Variants in PKP4 observed in about 807,000 individuals in gnomAD.
PKP4 encodes the protein plakophilin 4.
PKP4 carries 90 observed loss-of-function variants against 145.1 expected under a neutral mutation model. The ratio of observed to expected loss-of-function variants is 0.62; its 90% CI spans 0.52 to 0.74. The LOEUF (loss-of-function observed/expected upper bound fraction) is 0.74, where lower values mean the gene tolerates loss of function less well. Ranked by LOEUF, PKP4 falls within the 30% of genes least tolerant of loss-of-function variation. The pLI is 0.00. For missense variants in PKP4, 1,340 were observed against 1,482.7 expected, an observed-to-expected ratio of 0.90 and a Z score of 1.58; for synonymous variants, 563 against 577.2, an observed-to-expected ratio of 0.98 and a Z score of 0.35.
At chr2:158,542,614 A>C (rs1453812059) in intron 2 of PKP4, among the ~76,000 whole-genome samples, 3 of 152,160 alleles carry the variant, frequency 2.0e-5, no homozygotes, top group Admixed American at 2.0e-4. Flanking sequence ...CCTTTGTCAG[A>C]GTTGGAGAGT....
chr2:158,676,095 C>T (rs1296038894), intron 19 of PKP4, among the ~76,000 whole-genome samples: 1 of 152,132 alleles, frequency 6.6e-6, no homozygotes, highest in East Asian at 1.9e-4. Flanking sequence ...TCCTCTGGGC[C>T]TTTCTGAGGT....
At chr2:158,528,450 T>A (rs373739161) in intron 1 of PKP4, among the ~76,000 whole-genome samples, 3 of 87,248 alleles carry the variant, frequency 3.4e-5, no homozygotes, top group Admixed American at 1.7e-4. Context: ...GATCACATGG[T>A]CACAGGAAGG....
chr2:158,487,281 T>A (rs1694306520), intron 1 of PKP4, among the ~76,000 whole-genome samples: 1 of 152,206 alleles, frequency 6.6e-6, no homozygotes, highest in African/African-American at 2.4e-5. Flanking sequence ...AAAAAGCACA[T>A]TTGTATAAAC....
chr2:158,569,291 A>G (rs567444012), intron 2 of PKP4, among the ~76,000 whole-genome samples: 2 of 152,330 alleles, frequency 1.3e-5, no homozygotes, highest in East Asian at 3.9e-4. Context: ...AAAACAACAA[A>G]GATCTTAATA....
At chr2:158,554,461 T>C (rs1166384570) in intron 2 of PKP4, among the ~76,000 whole-genome samples, 1 of 150,730 alleles carries the variant, frequency 6.6e-6, no homozygotes, top group African/African-American at 2.4e-5. Context: ...AGTCTAGCTC[T>C]GTTGCCCAGG....
At chr2:158,515,438 T>A (rs987046932) in intron 1 of PKP4, among the ~76,000 whole-genome samples, 1 of 151,978 alleles carries the variant, frequency 6.6e-6, no homozygotes. Context: ...CTTGGCAACA[T>A]AGCAAGATCC....
intron 1 of PKP4, among the ~76,000 whole-genome samples, chr2:158,485,092 C>T: frequency 6.6e-6 from 1 of 152,208 alleles, no homozygotes. Flanking sequence ...AGACTGAAAG[C>T]CTCACCGTGG....
At chr2:158,471,745 G>A (rs1691603738) in intron 1 of PKP4, among the ~76,000 whole-genome samples, 1 of 152,072 alleles carries the variant, frequency 6.6e-6, no homozygotes, top group Admixed American at 6.6e-5. Flanking sequence ...GCCGTTTATT[G>A]AACTAAGCAT....
chr2:158,571,927 A>G (rs1014203403), intron 2 of PKP4, among the ~76,000 whole-genome samples: 6 of 152,230 alleles, frequency 3.9e-5, no homozygotes, highest in Admixed American at 2.6e-4. Flanking sequence ...TCTGAAAGCC[A>G]GAAGGAAGAT....
At chr2:158,471,709 A>G (rs900539914) in intron 1 of PKP4, among the ~76,000 whole-genome samples, 1 of 152,254 alleles carries the variant, frequency 6.6e-6, no homozygotes, top group Non-Finnish European at 1.5e-5. Context: ...TTACAAAATC[A>G]GGACAATTTA....
At chr2:158,639,036 C>G (rs1201349312) in intron 9 of PKP4, among the ~76,000 whole-genome samples, 2 of 152,196 alleles carry the variant, frequency 1.3e-5, no homozygotes, top group African/African-American at 4.8e-5. Context: ...TTTCACTAAC[C>G]TCTATCACTA....
intron 1 of PKP4, among the ~76,000 whole-genome samples, chr2:158,472,444 C>T (rs1691724290): frequency 6.6e-6 from 1 of 151,568 alleles, no homozygotes; most frequent in Non-Finnish European, 1.5e-5. Flanking sequence ...CCTGTCTCTA[C>T]TAAAAAAATA....
chr2:158,641,493 G>GT (rs539033354), intron 10 of PKP4, among the ~76,000 whole-genome samples: 4 of 151,910 alleles, frequency 2.6e-5, no homozygotes, highest in African/African-American at 4.8e-5. Context: ...TTATTTCAGG[G>GT]TTTTTTTGGT....
At chr2:158,530,949 T>C (rs151300432) in intron 1 of PKP4, among the ~76,000 whole-genome samples, 2 of 152,288 alleles carry the variant, frequency 1.3e-5, no homozygotes, top group Non-Finnish European at 2.9e-5. Flanking sequence ...CTCTTGACTT[T>C]AGCATTACTC....
chr2:158,615,867 G>A (rs564072634), intron 4 of PKP4, among the ~76,000 whole-genome samples: 7 of 152,128 alleles, frequency 4.6e-5, no homozygotes, highest in African/African-American at 1.4e-4. Context: ...CTTTTTAGAC[G>A]GGTAAAATTT....
In PKP4 at chr2:158,661,401, T is replaced by C. The variant is rs200166435; in HGVS notation, c.2162T>C (p.Leu721Pro). 6.2e-7 allele frequency: 1 copy of C among 1,613,824 alleles called. No individual in the cohort carries two copies. The highest frequency in any genetic ancestry group is 2.2e-5 in the East Asian group (1 of 44,862). ...MRSCEGLVDSLLYVIHTCVNT... is the reference protein window; with the variant it reads ...MRSCEGLVDSPLYVIHTCVNT... ...TCCTGCGAGGGGCTGGTAGACTCAC[T>C]GTTGTATGTGATCCACACGTGTGTG... Residue 721 changes from leucine (L) to proline (P), a missense_variant, in exon 13 of 22, where the codon CTG (leucine) becomes CCG (proline). Leu to Pro is a moderately conservative substitution (Grantham distance 98). Transcript: ENST00000389759.
chr2:158,568,847 C>A (rs2047203179), intron 2 of PKP4, among the ~76,000 whole-genome samples: 1 of 152,148 alleles, frequency 6.6e-6, no homozygotes, highest in South Asian at 2.1e-4. Flanking sequence ...GTGGCACATA[C>A]CTGTAATCCC....
chr2:158,662,706 C>T (rs1417010958), intron 13 of PKP4, 191 bp from the exon 14 acceptor site: 6 of 484,884 alleles, frequency 1.2e-5, no homozygotes, highest in African/African-American at 1.9e-5. Context: ...AAGGGCTCTG[C>T]ATCCTGTCAT....
chr2:158,598,700 C>A (rs58530434), intron 3 of PKP4, among the ~76,000 whole-genome samples: 2 of 151,982 alleles, frequency 1.3e-5, no homozygotes, highest in Non-Finnish European at 2.9e-5. Context: ...ACCTGGGAGG[C>A]GGAGCTTGCA....
Sources: gnomAD v4.1 joint callset for allele counts (sites outside exome capture counted in the v4.1 genomes callset) on GRCh38, gnomAD v4.1.1 for gene constraint, MANE v1.5 for transcripts, NCBI Gene and HGNC (gene_info 2026-07-23, HGNC 2026-07-21) for gene names.